SKA2: variants seen among roughly 807,000 people sequenced by gnomAD.
SKA2 encodes spindle and kinetochore associated complex subunit 2.
In SKA2, 13 loss-of-function variants were observed where a neutral mutation model predicts 16.9. That is an observed-to-expected ratio of 0.77 (90% CI 0.50 to 1.22). SKA2 has a LOEUF of 1.22. Among genes scored for constraint, SKA2 ranks in the 50% most tolerant of loss-of-function variants. SKA2 has a pLI of 0.00. For synonymous variants in SKA2, 47 were observed against 48.5 expected, an observed-to-expected ratio of 0.97 and a Z score of 0.13; for missense variants, 107 against 139.7, an observed-to-expected ratio of 0.77 and a Z score of 1.18.
chr17:59,122,019 G>A (rs2046338590), intron 2 of SKA2, among the ~76,000 whole-genome samples: 1 of 151,664 alleles, frequency 6.6e-6, no homozygotes, highest in South Asian at 2.1e-4. Context: ...AGCCTATAGA[G>A]CAGGAGGTCA....
At chr17:59,122,243 G>T (rs1400613250) in intron 2 of SKA2, among the ~76,000 whole-genome samples, 1 of 152,146 alleles carries the variant, frequency 6.6e-6, no homozygotes, top group Non-Finnish European at 1.5e-5. Context: ...GGATGCCAAG[G>T]CGGGAGGATC....
chr17:59,136,394 C>G lies in SKA2; in HGVS notation c.34-5027G>C, dbSNP rs760841766. ...GGGCAGGCTGGTCTCGAACTCCTGACCTCAGGTGATCCACCCACCTCGGCC... is the reference window on the plus strand; with the variant it reads ...GGGCAGGCTGGTCTCGAACTCCTGAGCTCAGGTGATCCACCCACCTCGGCC... On this transcript the variant is annotated intron_variant, in intron 1 of 3. Transcript: ENST00000330137. Among the ~76,000 whole-genome samples, 28 of 152,002 alleles carry G rather than the reference C, an allele frequency of 1.8e-4. 1 individual carries two copies. Among genetic ancestry groups the G allele is most frequent in the Non-Finnish European group, 3.1e-4 (21 of 68,024 alleles).
At chr17:59,136,787 T>C (rs12951785) in intron 1 of SKA2, among the ~76,000 whole-genome samples, 1 of 152,078 alleles carries the variant, frequency 6.6e-6, no homozygotes, top group South Asian at 2.1e-4. Context: ...GACCTTGTGA[T>C]CCGCCCTCCT....
Position 59,131,281 on chromosome 17 carries a change from C to T in SKA2, c.120G>A (p.Glu40=). Residue 40 remains glutamate (E), a splice_region_variant and synonymous_variant, in exon 2 of 4, where the codon GAG becomes GAA. Transcript: ENST00000330137. ...TAAGCTTATTTATTTCGGAGATTACCTCACTTGCTGAATCAGGATGATTAG... is the reference window on the plus strand; with the variant it reads ...TAAGCTTATTTATTTCGGAGATTACTTCACTTGCTGAATCAGGATGATTAG... The part of the protein sequence containing the change: ...IKTNHPDSAS[E]KNPVTLLKEL... The T allele has an allele frequency of 6.4e-7, 1 of 1,570,544 alleles. No individual in the cohort carries two copies. The highest frequency in any genetic ancestry group is 8.7e-7 in the Non-Finnish European group (1 of 1,155,536).
chr17:59,119,529 T>A, intron 2 of SKA2, 34 bp from the exon 3 acceptor site: 1 of 1,587,410 alleles, frequency 6.3e-7, no homozygotes, highest in Non-Finnish European at 8.6e-7. Flanking sequence ...TGTATTAAAT[T>A]ATGAAAGATT....
rs2046317519 is a variant in SKA2, at chr17:59,119,369, T to C, written c.247A>G (p.Lys83Glu). 6 of 1,614,000 alleles carry C rather than the reference T, an allele frequency of 3.7e-6. No individual in the cohort carries two copies. Among genetic ancestry groups the C allele is most frequent in the Non-Finnish European group, 5.1e-6 (6 of 1,179,876 alleles). Residue 83 changes from lysine to glutamate, a missense_variant, in exon 3 of 4, where the codon AAA (lysine) becomes GAA (glutamate). By Grantham distance (56) the Lys-to-Glu change is moderately conservative. Transcript: ENST00000330137. ...TTTTGTATCATATTCATAGTCTTTT[T>C]CACAGTAGCACAAATGCGGCTCTTA... ...ESKSRICATV[K>E]KTMNMIQKLQ...
chr17:59,151,205 G>C (rs1297711913), intron 1 of SKA2: 1 of 510,368 alleles, frequency 2.0e-6, no homozygotes, highest in South Asian at 1.5e-5. Context: ...AATAAAGTCA[G>C]AGCATTCGTT....
At chr17:59,139,596 C>T (rs543001848) in intron 1 of SKA2, among the ~76,000 whole-genome samples, 12 of 152,022 alleles carry the variant, frequency 7.9e-5, no homozygotes, top group East Asian at 5.8e-4. Context: ...GTAATCTGCC[C>T]GCCTTGGCCT....
At chr17:59,149,863 G>A (rs947439336) in intron 1 of SKA2, among the ~76,000 whole-genome samples, 1 of 152,142 alleles carries the variant, frequency 6.6e-6, no homozygotes, top group Non-Finnish European at 1.5e-5. Context: ...GGTTGCCAGG[G>A]ACTTGGGGAA....
intron 1 of SKA2, among the ~76,000 whole-genome samples, chr17:59,153,758 T>G (rs1034095786): frequency 1.3e-5 from 2 of 151,940 alleles, no homozygotes; most frequent in African/African-American, 4.8e-5. Context: ...AAGAAAGAAG[T>G]CTTTTACTTT....
chr17:59,119,613 A>T, intron 2 of SKA2, 118 bp from the exon 3 acceptor site: 1 of 899,982 alleles, frequency 1.1e-6, no homozygotes, highest in Non-Finnish European at 1.7e-6. Context: ...ACTGTTGAGT[A>T]TTTAATTATG....
chr17:59,142,291 GTTTT>G (rs757348686), intron 1 of SKA2, among the ~76,000 whole-genome samples: 2 of 136,906 alleles, frequency 1.5e-5, no homozygotes, highest in African/African-American at 5.3e-5. Flanking sequence ...TATATGGTGG[GTTTT>G]TTTTTTTTTT....
At chr17:59,124,065 G>A (rs760670495) in intron 2 of SKA2, among the ~76,000 whole-genome samples, 1 of 152,188 alleles carries the variant, frequency 6.6e-6, no homozygotes, top group African/African-American at 2.4e-5. Context: ...GAGGGTGGGA[G>A]TGTGAAGCAT....
intron 1 of SKA2, 200 bp downstream of exon 1, chr17:59,154,931 G>A: frequency 6.2e-7 from 1 of 1,610,900 alleles, no homozygotes; most frequent in East Asian, 2.2e-5. Flanking sequence ...TTTCCCTGAC[G>A]AGTTTCCCGG....
At chr17:59,144,331 C>A (rs1343845724) in intron 1 of SKA2, among the ~76,000 whole-genome samples, 2 of 151,570 alleles carry the variant, frequency 1.3e-5, no homozygotes, top group Non-Finnish European at 2.9e-5. Flanking sequence ...AATGGTATAG[C>A]AGTTGTGGAA....
intron 3 of SKA2, among the ~76,000 whole-genome samples, chr17:59,115,340 G>A (rs1218787856): frequency 6.6e-6 from 1 of 152,002 alleles, no homozygotes; most frequent in Non-Finnish European, 1.5e-5. Context: ...TTACAGGCGT[G>A]AGCCACCATG....
intron 1 of SKA2, among the ~76,000 whole-genome samples, chr17:59,132,680 T>C (rs1421135272): frequency 1.3e-5 from 2 of 152,126 alleles, no homozygotes; most frequent in Non-Finnish European, 2.9e-5. Flanking sequence ...AGTAAATAAG[T>C]AAATATCAAT....
At chr17:59,129,789 A>G (rs2147805252) in intron 2 of SKA2, among the ~76,000 whole-genome samples, 1 of 151,226 alleles carries the variant, frequency 6.6e-6, no homozygotes, top group East Asian at 2.0e-4. Context: ...TGGGAGGTGG[A>G]GGCTGCAGTG....
chr17:59,119,218 G>A, intron 3 of SKA2, 101 bp downstream of exon 3: 4 of 1,286,994 alleles, frequency 3.1e-6, no homozygotes, highest in South Asian at 1.5e-5. Context: ...AGTTCAAACT[G>A]ACTGCTGAGT....
Sources: allele counts gnomAD v4.1 joint callset (sites outside exome capture counted in the v4.1 genomes callset), GRCh38; gene constraint gnomAD v4.1.1; transcripts MANE v1.5; gene names NCBI Gene and HGNC (gene_info 2026-07-23, HGNC 2026-07-21).